UBOX5: variants seen among roughly 807,000 people sequenced by gnomAD.
UBOX5 encodes U-box domain containing 5.
A neutral mutation model predicts 39.0 loss-of-function variants in UBOX5; 28 were observed. The ratio of observed to expected loss-of-function variants is 0.72; its 90% CI spans 0.53 to 0.98. The LOEUF is 0.98. Ranked by LOEUF, UBOX5 falls within the 50% of genes least tolerant of loss-of-function variation. The pLI, the probability that UBOX5 is intolerant of heterozygous loss-of-function variation, is 0.00. For synonymous variants in UBOX5, 283 were observed against 275.5 expected, an observed-to-expected ratio of 1.03 and a Z score of -0.27; for missense variants, 585 against 674.4, an observed-to-expected ratio of 0.87 and a Z score of 1.47.
chr20:3,133,125 T>G (rs857249), intron 1 of UBOX5, among the ~76,000 whole-genome samples: 2 of 151,950 alleles, frequency 1.3e-5, no homozygotes, highest in African/African-American at 4.8e-5. Flanking sequence ...ACAAATGATA[T>G]GTTTCTGTGG....
rs1430526611 is a variant in UBOX5, at chr20:3,122,090, G to A, written c.549C>T (p.Gly183=). The change falls in exon 3 of 5, where the codon GGC becomes GGT. Residue 183 remains glycine (G), a synonymous_variant. Coordinates refer to ENST00000217173, the MANE Select transcript of UBOX5 (RefSeq NM_014948.4). The part of the protein sequence containing the change: ...LRICITHVTG[G]GIPCIKRLEV... ...CCAACCGCTTGATACAAGGGATACC[G>A]CCGCCTGTCACATGGGTGATACAGA... The A allele has an allele frequency of 1.7e-5, 28 of 1,614,128 alleles. No homozygotes were observed. Among genetic ancestry groups the A allele is most frequent in the Admixed American group, 1.3e-4 (8 of 60,006 alleles).
chr20:3,114,840 C>T (rs2066281089), intron 4 of UBOX5, among the ~76,000 whole-genome samples: 1 of 151,940 alleles, frequency 6.6e-6, no homozygotes, highest in African/African-American at 2.4e-5. Context: ...CCCAGCTACT[C>T]AGGAGGCTGA....
At chr20:3,116,015 A>G (rs920122131) in intron 3 of UBOX5, among the ~76,000 whole-genome samples, 26 of 152,172 alleles carry the variant, frequency 1.7e-4, no homozygotes, top group African/African-American at 6.0e-4. Flanking sequence ...TCAGCCTCCC[A>G]AAGTGCCGGG....
chr20:3,138,088 C>T (rs2066486892), intron 1 of UBOX5, among the ~76,000 whole-genome samples: 1 of 152,120 alleles, frequency 6.6e-6, no homozygotes, highest in South Asian at 2.1e-4. Context: ...GCCTGGCCAA[C>T]ATGGTGAAAT....
At chr20:3,123,153 G>C (rs1358357053) in intron 2 of UBOX5, among the ~76,000 whole-genome samples, 159 bp downstream of exon 2, 2 of 152,186 alleles carry the variant, frequency 1.3e-5, no homozygotes, top group African/African-American at 4.8e-5. Context: ...CTAGAGGTGA[G>C]CCTGCCCCAT....
In UBOX5 at chr20:3,149,124, G is replaced by T; in HGVS notation, c.-42+10642C>A. On this transcript the variant is annotated intron_variant, in intron 1 of 4. Coordinates refer to ENST00000217173, the MANE Select transcript of UBOX5 (RefSeq NM_014948.4). This position sits in a 1 kb window ranked among gnomAD's most constrained non-coding sequence, Gnocchi z 4.1. ...GTCAGAATACAGTCCTCACAGATTT[G>T]ACCAGGCAATTTCTTGTTTATATGG... The T allele has an allele frequency of 1.3e-6, 2 of 1,537,558 alleles. No individual in the cohort carries two copies. The highest frequency in any genetic ancestry group is 2.6e-5 in the South Asian group (2 of 77,720).
chr20:3,158,393 T>C (rs1243730674), intron 1 of UBOX5, among the ~76,000 whole-genome samples: 2 of 152,244 alleles, frequency 1.3e-5, no homozygotes, highest in Admixed American at 1.3e-4. Flanking sequence ...ACATTAGACC[T>C]GCATAACTGC....
chr20:3,148,547 G>A (rs2066592052), intron 1 of UBOX5: 1 of 1,614,024 alleles, frequency 6.2e-7, no homozygotes, highest in African/African-American at 1.3e-5. Context: ...ATGCTGCTCT[G>A]CAGGCAAAGA....
chr20:3,156,511 T>C (rs912506802), intron 1 of UBOX5, among the ~76,000 whole-genome samples: 1 of 152,064 alleles, frequency 6.6e-6, no homozygotes, highest in African/African-American at 2.4e-5. Flanking sequence ...ATACCTGATA[T>C]GATTTCACAA....
intron 4 of UBOX5, chr20:3,110,590 T>G: frequency 2.1e-6 from 1 of 474,034 alleles, no homozygotes; most frequent in South Asian, 2.3e-5. Flanking sequence ...ACTGGGCCCT[T>G]CCTCCTGGTC....
chr20:3,136,509 A>G (rs1289815806), intron 1 of UBOX5, among the ~76,000 whole-genome samples: 1 of 150,604 alleles, frequency 6.6e-6, no homozygotes, highest in African/African-American at 2.5e-5. Context: ...ATGCGCCATC[A>G]CACTCGGCTA....
intron 1 of UBOX5, chr20:3,147,100 C>T (rs545919225): frequency 1.9e-6 from 3 of 1,614,082 alleles, no homozygotes; most frequent in East Asian, 4.5e-5. Context: ...CCTTATTCTC[C>T]AACTCCATGG....
chr20:3,126,543 A>C (rs1246503434), intron 1 of UBOX5, among the ~76,000 whole-genome samples: 1 of 151,438 alleles, frequency 6.6e-6, no homozygotes, highest in African/African-American at 2.4e-5. Flanking sequence ...AAAGAAAAAA[A>C]AAAGAAAGGA....
chr20:3,140,776 T>C lies in UBOX5; in HGVS notation c.-41-17370A>G, dbSNP rs116146071. ...TGTGCAGGTTTGTTACCTGGGTATA[T>C]TGCATGATGCTTAAGGTTTGGGGTA... On this transcript the variant is annotated intron_variant, in intron 1 of 4. Coordinates refer to ENST00000217173, the MANE Select transcript of UBOX5 (RefSeq NM_014948.4). 5.8e-3 allele frequency among the ~76,000 whole-genome samples: 887 copies of C among 152,146 alleles called. 5 individuals carry two copies. Among genetic ancestry groups the C allele is most frequent in the African/African-American group, 0.02 (815 of 41,486 alleles).
intron 1 of UBOX5, among the ~76,000 whole-genome samples, chr20:3,131,075 A>G (rs2148603978): frequency 1.3e-5 from 2 of 152,234 alleles, no homozygotes; most frequent in South Asian, 4.1e-4. Flanking sequence ...ATGAAAATAC[A>G]AAAATTATCC....
intron 1 of UBOX5, among the ~76,000 whole-genome samples, chr20:3,129,662 C>T (rs2066414831): frequency 6.6e-6 from 1 of 152,146 alleles, no homozygotes; most frequent in South Asian, 2.1e-4. Context: ...GTTTAGTGGA[C>T]AAAATGATCA....
At chr20:3,115,593 C>T in intron 3 of UBOX5, 127 bp from the exon 4 acceptor site, 10 of 1,059,320 alleles carry the variant, frequency 9.4e-6, no homozygotes, top group Non-Finnish European at 1.3e-5. Context: ...AAACTCCATC[C>T]TAATGTCTAC....
Position 3,110,038 on chromosome 20 carries a change from T to G in UBOX5, c.*68A>C. 4 of 1,583,480 alleles carry G rather than the reference T, an allele frequency of 2.5e-6. No homozygotes were observed. The highest frequency in any genetic ancestry group is 3.4e-6 in the Non-Finnish European group (4 of 1,166,050). ...GGGCCTGGCCAGACCTCAGGGGTGC[T>G]GTGGCCCTGCTCCTGTTCCCCCTCA... On this transcript the variant is annotated 3_prime_UTR_variant, in exon 5 of 5. Coordinates refer to ENST00000217173, the MANE Select transcript of UBOX5 (RefSeq NM_014948.4).
intron 1 of UBOX5, among the ~76,000 whole-genome samples, chr20:3,155,348 G>C (rs1281254383): frequency 2.0e-5 from 3 of 152,188 alleles, no homozygotes; most frequent in Admixed American, 2.0e-4. Flanking sequence ...TGGCCAACGT[G>C]GCGAAACCAC....
Sources: allele counts gnomAD v4.1 joint callset (sites outside exome capture counted in the v4.1 genomes callset), GRCh38; gene constraint gnomAD v4.1.1; non-coding constraint Gnocchi (gnomAD v3.1); transcripts MANE v1.5; gene names NCBI Gene and HGNC (gene_info 2026-07-23, HGNC 2026-07-21).